Variants in ZMYM2 observed in about 807,000 individuals in gnomAD.
ZMYM2 encodes zinc finger MYM-type protein 2.
In ZMYM2, 56 loss-of-function variants were observed where a neutral mutation model predicts 162.8. The observed-to-expected ratio is 0.34, with a 90% CI of 0.28 to 0.43. The LOEUF is 0.43. Ranked by LOEUF, ZMYM2 falls within the 20% of genes least tolerant of loss-of-function variation. The pLI is 1.00. For missense variants in ZMYM2, 1,275 were observed against 1,621.8 expected (o/e 0.79, Z 3.67); for synonymous variants, 510 against 541.6 (o/e 0.94, Z 0.81).
chr13:19,883,645 C>T, the ZMYM2 span, among the ~76,000 whole-genome samples: 1 of 152,092 alleles, frequency 6.6e-6, no homozygotes, highest in Admixed American at 6.5e-5. Flanking sequence ...TTTGTCTTTT[C>T]AATTTCTGAG....
the ZMYM2 span, among the ~76,000 whole-genome samples, chr13:19,867,080 C>T: frequency 4.6e-5 from 7 of 152,020 alleles, no homozygotes; most frequent in African/African-American, 9.7e-5. Flanking sequence ...CAGCCAGGCG[C>T]GGTGGCTCAC....
At chr13:20,007,646 A>C (rs2139994951) in intron 6 of ZMYM2, among the ~76,000 whole-genome samples, 1 of 147,076 alleles carries the variant, frequency 6.8e-6, no homozygotes, top group East Asian at 2.0e-4. Flanking sequence ...TTTAAAGACA[A>C]GTTTCGCTCT....
At chr13:19,897,291 A>G in the ZMYM2 span, among the ~76,000 whole-genome samples, 99,376 of 152,012 alleles carry the variant, frequency 0.65, 35,603 homozygotes, top group East Asian at 0.88. Flanking sequence ...TTAAATATAA[A>G]TAGATTAAAG....
At position 20,088,505 on chromosome 13, in the gene ZMYM2, T is replaced by G. The variant is rs2141099946; in HGVS notation, c.*2491T>G. On this transcript the variant is annotated 3_prime_UTR_variant, in exon 25 of 25. Transcript: ENST00000610343. ...AAAATGATCCAGTGAAAAATATTTA[T>G]CCACATTGAAGAAAGTGGATTTCCC... 1 of 199,966 alleles carries G rather than the reference T, an allele frequency of 5.0e-6. No individual in the cohort carries two copies. The highest frequency in any genetic ancestry group is 6.0e-5 in the Admixed American group (1 of 16,656). 12.4% of individuals were successfully genotyped at this position (199,966 alleles called of 1,614,324 possible).
At chr13:19,936,287 A>T in the ZMYM2 span, among the ~76,000 whole-genome samples, 1,220 of 152,256 alleles carry the variant, frequency 8.0e-3, 8 homozygotes, top group Middle Eastern at 0.027. Flanking sequence ...GCCCTTAGAG[A>T]CTGCATTTTG....
chr13:19,890,752 G>T, the ZMYM2 span, among the ~76,000 whole-genome samples: 1 of 151,420 alleles, frequency 6.6e-6, no homozygotes, highest in South Asian at 2.1e-4. Context: ...GGTGCCTGTA[G>T]TCCCAGCTAC....
chr13:19,925,870 C>CAAAAAAA, the ZMYM2 span, among the ~76,000 whole-genome samples: 1 of 129,042 alleles, frequency 7.7e-6, no homozygotes. Flanking sequence ...GACTCCATCT[C>CAAAAAAA]AAAAAAAAAA....
At chr13:19,927,930 T>C in the ZMYM2 span, among the ~76,000 whole-genome samples, 6 of 152,218 alleles carry the variant, frequency 3.9e-5, no homozygotes, top group Non-Finnish European at 5.9e-5. Context: ...TTAATATATT[T>C]ATTGGCCATC....
rs557173004 is a variant in ZMYM2, at chr13:20,039,695, CTCGAT to C, written c.2292+2789_2292+2793del. ...ATTTCACCATGTTAGCCAGGATGGT[CTCGAT>C]TCCCTGATCTTGTGATCTGCCCATC... On this transcript the variant is annotated intron_variant, in intron 12 of 24. Coordinates refer to ENST00000610343, the MANE Select transcript of ZMYM2 (RefSeq NM_197968.4). 4.6e-5 allele frequency among the ~76,000 whole-genome samples: 7 copies of C among 152,242 alleles called. No homozygotes were observed. In the East Asian group the frequency reaches 7.7e-4, roughly 17 times the overall value.
At chr13:20,080,678 C>A (rs769792982) in intron 21 of ZMYM2, among the ~76,000 whole-genome samples, 1 of 151,954 alleles carries the variant, frequency 6.6e-6, no homozygotes. Flanking sequence ...TTTGTAGAGA[C>A]GGGGTTTCAC....
chr13:20,034,498 G>T, intron 11 of ZMYM2, 94 bp downstream of exon 11: 1 of 1,219,376 alleles, frequency 8.2e-7, no homozygotes, highest in Non-Finnish European at 1.1e-6. Context: ...CAATTTTAAT[G>T]TAGCTGAACA....
the ZMYM2 span, among the ~76,000 whole-genome samples, chr13:19,937,102 T>TA: frequency 6.6e-6 from 1 of 151,978 alleles, no homozygotes; most frequent in Non-Finnish European, 1.5e-5. Flanking sequence ...ATCAACCTCT[T>TA]AAAAAAAATT....
At chr13:19,937,843 G>A in the ZMYM2 span, among the ~76,000 whole-genome samples, 6 of 133,332 alleles carry the variant, frequency 4.5e-5, no homozygotes, top group Admixed American at 4.6e-4. Flanking sequence ...CTGTGTCCAC[G>A]TGTTCTCATT....
At position 20,005,438 on chromosome 13, in the gene ZMYM2, C is replaced by T. The variant is rs1950666714; in HGVS notation, c.1299+199C>T. On this transcript the variant is annotated intron_variant, in intron 5 of 24. Coordinates refer to ENST00000610343, the MANE Select transcript of ZMYM2 (RefSeq NM_197968.4). ...ATATCCTTTTATATAATCTGATTCT[C>T]CCAGAGGATGATTTCGGAAAAATCA... Among the ~76,000 whole-genome samples, 3 of 151,684 alleles carry T rather than the reference C, an allele frequency of 2.0e-5. No homozygotes were observed. The South Asian group carries it at 6.2e-4, about 31-fold the overall frequency.
the ZMYM2 span, among the ~76,000 whole-genome samples, chr13:19,883,507 G>T: frequency 6.6e-6 from 1 of 151,578 alleles, no homozygotes; most frequent in African/African-American, 2.4e-5. Context: ...GCTGAGCTTA[G>T]CACATTCATA....
chr13:20,058,392 G>T (rs1955970578), intron 14 of ZMYM2, among the ~76,000 whole-genome samples, 183 bp from the exon 15 acceptor site: 1 of 152,114 alleles, frequency 6.6e-6, no homozygotes, highest in East Asian at 1.9e-4. Context: ...CTAGTAGTTA[G>T]GATAGATTCA....
the ZMYM2 span, among the ~76,000 whole-genome samples, chr13:19,877,540 C>T: frequency 3.9e-5 from 6 of 152,236 alleles, no homozygotes; most frequent in Non-Finnish European, 8.8e-5. Flanking sequence ...ATACTTCCCA[C>T]TAGGCTCTGT....
the ZMYM2 span, among the ~76,000 whole-genome samples, chr13:19,877,756 C>T: frequency 6.6e-6 from 1 of 152,194 alleles, no homozygotes; most frequent in South Asian, 2.1e-4. Flanking sequence ...CAATATTCCA[C>T]TGTATGTATG....
the ZMYM2 span, among the ~76,000 whole-genome samples, chr13:19,947,426 T>C: frequency 6.7e-6 from 1 of 149,294 alleles, no homozygotes; most frequent in Admixed American, 6.7e-5. Flanking sequence ...ACTCCACAGG[T>C]TATGTATCGC....
Sources: allele counts gnomAD v4.1 joint callset (sites outside exome capture counted in the v4.1 genomes callset), GRCh38; gene constraint gnomAD v4.1.1; transcripts MANE v1.5; gene names NCBI Gene and HGNC (gene_info 2026-07-23, HGNC 2026-07-21).